SMYD3: variants seen among roughly 807,000 people sequenced by gnomAD.
SMYD3 encodes the protein SET and MYND domain containing 3.
A neutral mutation model predicts 57.7 loss-of-function variants in SMYD3; 36 were observed. The ratio of observed to expected loss-of-function variants is 0.62; its 90% CI spans 0.48 to 0.82. The LOEUF (loss-of-function observed/expected upper bound fraction) is 0.82, where lower values mean the gene tolerates loss of function less well. Among genes scored for constraint, SMYD3 ranks in the 40% least tolerant of loss-of-function variants. The pLI, the probability that SMYD3 is intolerant of heterozygous loss-of-function variation, is 0.00. For synonymous variants in SMYD3, 211 were observed against 195.0 expected (o/e 1.08, Z -0.68); for missense variants, 515 against 538.8 (o/e 0.96, Z 0.44).
chr1:246,161,996 A>G (rs1297473619), intron 5 of SMYD3, among the ~76,000 whole-genome samples: 1 of 152,332 alleles, frequency 6.6e-6, no homozygotes, highest in African/African-American at 2.4e-5. Flanking sequence ...AGTTTCAGGA[A>G]CAGAAGAGGA....
intron 5 of SMYD3, among the ~76,000 whole-genome samples, chr1:246,034,976 G>A (rs566997801): frequency 3.9e-5 from 6 of 152,100 alleles, no homozygotes; most frequent in Admixed American, 6.5e-5. Context: ...AATATATGCA[G>A]ACAGTATGAA....
intron 1 of SMYD3, among the ~76,000 whole-genome samples, chr1:246,410,435 G>A (rs543385893): frequency 1.2e-4 from 19 of 152,148 alleles, no homozygotes; most frequent in Non-Finnish European, 2.6e-4. Flanking sequence ...TAATCATGTG[G>A]TTTTTGTCTT....
rs1303116420 is a variant in SMYD3, at chr1:245,949,104, G to A, written c.532-19167C>T. On this transcript the variant is annotated intron_variant, in intron 5 of 11. Transcript: ENST00000490107. Reference sequence around the variant, plus strand: ...CCAACACTGGCCACTTGGGAGCCAGGGGATCCTCCTGCCATTGCTACTGCC... The same window carrying A: ...CCAACACTGGCCACTTGGGAGCCAGAGGATCCTCCTGCCATTGCTACTGCC... Among the ~76,000 whole-genome samples, 5 of 152,256 alleles carry A rather than the reference G, an allele frequency of 3.3e-5. No homozygotes were observed. The South Asian group carries it at 8.3e-4, about 25-fold the overall frequency.
At chr1:245,817,865 T>C (rs563532260) in intron 10 of SMYD3, among the ~76,000 whole-genome samples, 2 of 151,870 alleles carry the variant, frequency 1.3e-5, no homozygotes, top group African/African-American at 2.4e-5. Flanking sequence ...TAAAAAGAAA[T>C]GAGCAACGCC....
At chr1:246,009,668 C>T (rs1394931751) in intron 5 of SMYD3, among the ~76,000 whole-genome samples, 1 of 152,030 alleles carries the variant, frequency 6.6e-6, no homozygotes, top group Non-Finnish European at 1.5e-5. Flanking sequence ...TCTCTCCAAT[C>T]AGGTCTTAGT....
chr1:246,239,997 G>A (rs1186801063), intron 5 of SMYD3, among the ~76,000 whole-genome samples: 1 of 152,028 alleles, frequency 6.6e-6, no homozygotes, highest in African/African-American at 2.4e-5. Flanking sequence ...TCAGCCCTTT[G>A]TCAGATGAGT....
At chr1:246,069,107 G>C (rs1222492015) in intron 5 of SMYD3, among the ~76,000 whole-genome samples, 2 of 152,164 alleles carry the variant, frequency 1.3e-5, no homozygotes, top group East Asian at 3.8e-4. Context: ...TTGAGATGCT[G>C]TAGCTGGAGC....
chr1:245,925,921 T>G (rs1247472078), intron 7 of SMYD3, among the ~76,000 whole-genome samples: 3 of 152,172 alleles, frequency 2.0e-5, no homozygotes, highest in African/African-American at 7.2e-5. Context: ...AAGGGTATCT[T>G]AGTCCATTTT....
At chr1:245,902,573 A>C (rs1273082361) in intron 8 of SMYD3, among the ~76,000 whole-genome samples, 1 of 152,174 alleles carries the variant, frequency 6.6e-6, no homozygotes, top group Non-Finnish European at 1.5e-5. Context: ...TCATTTAGAC[A>C]CCTAAGGACC....
chr1:246,386,840 A>T (rs2066490776), intron 1 of SMYD3, among the ~76,000 whole-genome samples: 1 of 152,230 alleles, frequency 6.6e-6, no homozygotes, highest in African/African-American at 2.4e-5. Flanking sequence ...CCTGTTATAC[A>T]TTATAAGATT....
At position 246,244,107 on chromosome 1, in the gene SMYD3, A is replaced by T. The variant is rs2063664883; in HGVS notation, c.531+83094T>A. Among the ~76,000 whole-genome samples the T allele has an allele frequency of 3.3e-5, 5 of 151,896 alleles. No individual in the cohort carries two copies. In the South Asian group the frequency reaches 1.0e-3, roughly 32 times the overall value. ...TTCATTAATATCTCTTGTACATGGG[A>T]AACTGTCACAAAGCAGTTTCTTCTC... On this transcript the variant is annotated intron_variant, in intron 5 of 11. Transcript: ENST00000490107.
chr1:246,186,756 G>C (rs568669605), intron 5 of SMYD3: 1 of 985,198 alleles, frequency 1.0e-6, no homozygotes, highest in Admixed American at 6.2e-5. Flanking sequence ...AATCCCACCA[G>C]GGCAAAAGGT....
intron 5 of SMYD3, among the ~76,000 whole-genome samples, chr1:246,250,401 A>G (rs2063780641): frequency 2.0e-5 from 3 of 152,258 alleles, no homozygotes; most frequent in South Asian, 4.1e-4. Context: ...GTGTAAAAAT[A>G]CAATGTTCAC....
At chr1:245,828,064 T>A (rs1334303971) in intron 10 of SMYD3, among the ~76,000 whole-genome samples, 2 of 152,110 alleles carry the variant, frequency 1.3e-5, no homozygotes, top group Non-Finnish European at 2.9e-5. Flanking sequence ...GAAAAAAAGA[T>A]GAAAAGGAAT....
chr1:245,779,960 C>G (rs556027322), intron 10 of SMYD3, among the ~76,000 whole-genome samples: 2 of 152,138 alleles, frequency 1.3e-5, no homozygotes, highest in African/African-American at 4.8e-5. Flanking sequence ...AAACGTGACT[C>G]GAAGCCAGTG....
chr1:245,897,150 A>G (rs10802290), intron 8 of SMYD3, among the ~76,000 whole-genome samples: 145,202 of 152,298 alleles, frequency 0.95, 69,573 homozygotes, highest in East Asian at 1. Flanking sequence ...AATAAAACAC[A>G]GAGACGTGAA....
chr1:245,794,590 T>TCC (rs1488580620), intron 10 of SMYD3, among the ~76,000 whole-genome samples: 16 of 152,368 alleles, frequency 1.1e-4, no homozygotes, highest in Admixed American at 4.6e-4. Context: ...TCTGTCAAAT[T>TCC]GAAAATTTGC....
At position 245,931,212 on chromosome 1, in the gene SMYD3, G is replaced by A. The variant is rs1470796905; in HGVS notation, c.532-1275C>T. 3.9e-5 allele frequency among the ~76,000 whole-genome samples: 6 copies of A among 152,204 alleles called. No homozygotes were observed. The East Asian group carries it at 9.6e-4, about 24-fold the overall frequency. On this transcript the variant is annotated intron_variant, in intron 5 of 11. Transcript: ENST00000490107. ...CTGCTTTAAAAGGATCATTCTGGCTGTTGTGTAGAGAATGGGCTATAAAAA... is the reference window on the plus strand; with the variant it reads ...CTGCTTTAAAAGGATCATTCTGGCTATTGTGTAGAGAATGGGCTATAAAAA...
In SMYD3 at chr1:246,102,752, A is replaced by ATAAT. The variant is rs1553289365; in HGVS notation, c.532-172816_532-172815insATTA. Among the ~76,000 whole-genome samples, 8 of 148,216 alleles carry ATAAT rather than the reference A, an allele frequency of 5.4e-5. No homozygotes were observed. The South Asian group carries it at 7.1e-4, about 13-fold the overall frequency. ...GTGAGACCTTGGCTCTCAAAAAAAA[A>ATAAT]AAAAATAATAATAATAATAATCCTA... is the stretch of plus-strand genomic sequence containing the variant. On this transcript the variant is annotated intron_variant, in intron 5 of 11. Transcript: ENST00000490107.
Sources: gnomAD v4.1 joint callset for allele counts (sites outside exome capture counted in the v4.1 genomes callset) on GRCh38, gnomAD v4.1.1 for gene constraint, MANE v1.5 for transcripts, NCBI Gene and HGNC (gene_info 2026-07-23, HGNC 2026-07-21) for gene names.